The following PPP2R2B variants were observed in gnomAD, a reference collection of about 807,000 sequenced individuals.
The protein encoded by PPP2R2B is serine/threonine-protein phosphatase 2A 55 kDa regulatory subunit B beta isoform.
PPP2R2B carries 5 observed loss-of-function variants against 46.0 expected under a neutral mutation model. The observed-to-expected ratio is 0.11, with a 90% CI of 0.06 to 0.23. The LOEUF (loss-of-function observed/expected upper bound fraction) is 0.23. PPP2R2B is among the 10% of genes least tolerant of loss of function. The pLI, the probability that PPP2R2B is intolerant of heterozygous loss-of-function variation, is 1.00. For missense variants in PPP2R2B, 367 were observed against 575.0 expected, an observed-to-expected ratio of 0.64 and a Z score of 3.70; for synonymous variants, 215 against 206.7, an observed-to-expected ratio of 1.04 and a Z score of -0.34.
intron 1 of PPP2R2B, among the ~76,000 whole-genome samples, chr5:146,938,370 G>C (rs1298690513): frequency 6.6e-6 from 1 of 152,138 alleles, no homozygotes; most frequent in Non-Finnish European, 1.5e-5. Flanking sequence ...GTTGACATGA[G>C]AGAAAATGAG....
At chr5:146,888,868 G>A (rs1762408304) in intron 1 of PPP2R2B, among the ~76,000 whole-genome samples, 1 of 152,104 alleles carries the variant, frequency 6.6e-6, no homozygotes, top group Non-Finnish European at 1.5e-5. Flanking sequence ...GTCTGTTCCA[G>A]TATCAACTTC....
intron 5 of PPP2R2B, among the ~76,000 whole-genome samples, chr5:146,674,840 A>C (rs1777599953): frequency 6.6e-6 from 1 of 152,204 alleles, no homozygotes; most frequent in Non-Finnish European, 1.5e-5. Context: ...CAGAAGAAGC[A>C]CAAGACTTAG....
intron 1 of PPP2R2B, among the ~76,000 whole-genome samples, chr5:146,950,169 C>A (rs1367665940): frequency 2.0e-5 from 3 of 151,836 alleles, no homozygotes; most frequent in Admixed American, 1.3e-4. Flanking sequence ...AGATGGGCAC[C>A]CCATTTATCC....
chr5:146,698,519 T>C (rs901099203), intron 3 of PPP2R2B, among the ~76,000 whole-genome samples: 1 of 151,560 alleles, frequency 6.6e-6, no homozygotes, highest in South Asian at 2.1e-4. Context: ...TTGGAGTGAG[T>C]CATCCCACAG....
In PPP2R2B at chr5:146,823,237, GC is replaced by G. The variant is rs200387646; in HGVS notation, c.70+54764del. Among the ~76,000 whole-genome samples the G allele has an allele frequency of 9.3e-3, 1,421 of 152,004 alleles. 15 individuals carry two copies. Among genetic ancestry groups the G allele is most frequent in the Middle Eastern group, 0.051 (15 of 294 alleles). Reference sequence around the variant, plus strand: ...TTTTGAGATGGAGTCTTGCTCTGTCGCCCAGGCTGGAGTGCAGTGGCATGAT... The same window carrying G: ...TTTTGAGATGGAGTCTTGCTCTGTCGCCAGGCTGGAGTGCAGTGGCATGAT... On this transcript the variant is annotated intron_variant, in intron 2 of 9. Transcript: ENST00000394411.
intron 2 of PPP2R2B, among the ~76,000 whole-genome samples, chr5:146,782,794 G>A (rs913649324): frequency 2.2e-5 from 3 of 139,378 alleles, no homozygotes; most frequent in South Asian, 2.5e-4. Context: ...ATTGAAGGGT[G>A]AGAGAGAGAA....
chr5:146,725,864 T>C (rs937919367), intron 2 of PPP2R2B, among the ~76,000 whole-genome samples: 2 of 152,188 alleles, frequency 1.3e-5, no homozygotes, highest in Non-Finnish European at 2.9e-5. Flanking sequence ...CCCATGTCTG[T>C]CCTGTTCACT....
At chr5:146,782,909 G>C (rs898361818) in intron 2 of PPP2R2B, among the ~76,000 whole-genome samples, 7 of 152,060 alleles carry the variant, frequency 4.6e-5, no homozygotes, top group African/African-American at 1.7e-4. Context: ...AGAAAGAAAG[G>C]GGAATGTGGC....
At chr5:146,784,831 T>C (rs1755740524) in intron 2 of PPP2R2B, among the ~76,000 whole-genome samples, 1 of 152,172 alleles carries the variant, frequency 6.6e-6, no homozygotes, top group Non-Finnish European at 1.5e-5. Flanking sequence ...TCCTGGTGAG[T>C]TCAGAATCAG....
At chr5:146,701,211 T>C (rs751253639) in intron 2 of PPP2R2B, 69 bp from the exon 3 acceptor site, 7 of 1,278,020 alleles carry the variant, frequency 5.5e-6, no homozygotes, top group South Asian at 1.2e-5. Flanking sequence ...ATAATAGATA[T>C]ACTTTTCTGT....
intron 9 of PPP2R2B, among the ~76,000 whole-genome samples, 172 bp from the exon 10 acceptor site, chr5:146,590,398 G>GTTTT (rs1221281341): frequency 0.011 from 1,291 of 113,358 alleles, 27 homozygotes; most frequent in African/African-American, 0.04. Flanking sequence ...TTTTTTTTGT[G>GTTTT]TTTTTTTTTT....
At chr5:146,716,125 C>T (rs966822985) in intron 2 of PPP2R2B, among the ~76,000 whole-genome samples, 11 of 150,222 alleles carry the variant, frequency 7.3e-5, no homozygotes, top group Non-Finnish European at 1.3e-4. Context: ...AGCATAGGGA[C>T]TGGCATCTAG....
intron 2 of PPP2R2B, among the ~76,000 whole-genome samples, chr5:146,731,187 G>A (rs961668579): frequency 6.6e-6 from 1 of 152,174 alleles, no homozygotes; most frequent in Non-Finnish European, 1.5e-5. Flanking sequence ...ATCCCTGACA[G>A]GAGACTGCAC....
At chr5:146,902,878 A>G (rs1000264487) in intron 1 of PPP2R2B, among the ~76,000 whole-genome samples, 1 of 152,200 alleles carries the variant, frequency 6.6e-6, no homozygotes, top group Non-Finnish European at 1.5e-5. Context: ...CTAATTCTCA[A>G]ATTGTGGTAT....
chr5:147,052,985 T>G (rs1365636473), intron 1 of PPP2R2B, among the ~76,000 whole-genome samples: 1 of 152,074 alleles, frequency 6.6e-6, no homozygotes, highest in Non-Finnish European at 1.5e-5. Context: ...ATAATGTGCT[T>G]AGATAATGCC....
At chr5:147,080,063 C>T (rs1757929894) in intron 2 of PPP2R2B, among the ~76,000 whole-genome samples, 1 of 152,026 alleles carries the variant, frequency 6.6e-6, no homozygotes. Flanking sequence ...TTTTTGGTCA[C>T]CCACTATTAG....
At chr5:147,022,171 T>C (rs1347030068) in intron 1 of PPP2R2B, among the ~76,000 whole-genome samples, 1 of 152,114 alleles carries the variant, frequency 6.6e-6, no homozygotes, top group Non-Finnish European at 1.5e-5. Context: ...ATAAGTGTTG[T>C]GTAGGAAACT....
chr5:146,655,700 G>T (rs1156707300), intron 5 of PPP2R2B, among the ~76,000 whole-genome samples: 1 of 152,180 alleles, frequency 6.6e-6, no homozygotes, highest in Admixed American at 6.5e-5. Flanking sequence ...GTCGCTTAAG[G>T]CACACTCAGA....
chr5:147,016,062 A>G (rs1754990210), intron 1 of PPP2R2B, among the ~76,000 whole-genome samples: 1 of 151,574 alleles, frequency 6.6e-6, no homozygotes, highest in African/African-American at 2.4e-5. Flanking sequence ...CTAAGTTAAA[A>G]CAAAAATACT....
Sources: gnomAD v4.1 joint callset for allele counts (sites outside exome capture counted in the v4.1 genomes callset) on GRCh38, gnomAD v4.1.1 for gene constraint, MANE v1.5 for transcripts, NCBI Gene and HGNC (gene_info 2026-07-23, HGNC 2026-07-21) for gene names.